Variants in ABI2 observed in about 807,000 individuals in gnomAD.
ABI2 encodes the protein abelson interactor 2.
In ABI2, 25 loss-of-function variants were observed where a neutral mutation model predicts 59.2. That is an observed-to-expected ratio of 0.42 (90% CI 0.31 to 0.59). The LOEUF is 0.59. ABI2 is among the 20% of genes least tolerant of loss of function. The probability of loss-of-function intolerance (pLI) is 0.14; values close to 1 mark genes in which losing one functional copy is unlikely to be tolerated. For synonymous variants in ABI2, 213 were observed against 235.5 expected, an observed-to-expected ratio of 0.90 and a Z score of 0.87; for missense variants, 545 against 681.8, an observed-to-expected ratio of 0.80 and a Z score of 2.23.
chr2:203,389,067 A>G (rs1039226860), intron 4 of ABI2, among the ~76,000 whole-genome samples: 2 of 152,198 alleles, frequency 1.3e-5, no homozygotes, highest in African/African-American at 4.8e-5. Flanking sequence ...TGGTTTCAGA[A>G]ATTAAGATAT....
At chr2:203,394,914 TA>T in intron 6 of ABI2, 68 bp downstream of exon 6, 1 of 1,538,990 alleles carries the variant, frequency 6.5e-7, no homozygotes, top group East Asian at 2.2e-5. Context: ...TTACTTCAGG[TA>T]AATCTCTCAT....
intron 1 of ABI2, among the ~76,000 whole-genome samples, chr2:203,366,634 G>A (rs1316574381): frequency 2.0e-5 from 3 of 152,136 alleles, no homozygotes; most frequent in East Asian, 3.9e-4. Flanking sequence ...TCTAGATAAT[G>A]GCTTTAGGGT....
chr2:203,384,992 G>A (rs1267964267), intron 4 of ABI2, among the ~76,000 whole-genome samples: 1 of 151,662 alleles, frequency 6.6e-6, no homozygotes, highest in Admixed American at 6.6e-5. Flanking sequence ...CTGCCACCAC[G>A]CCTGGCTAAT....
Position 203,402,616 on chromosome 2 carries a change from T to C in ABI2, c.1074T>C (p.Ser358=). 1 of 1,601,378 alleles carries C rather than the reference T, an allele frequency of 6.2e-7. No individual in the cohort carries two copies. Residue 358 remains serine, a synonymous_variant, in exon 9 of 12, where the codon TCT becomes TCC. Transcript: ENST00000261018. Reference sequence around the variant, plus strand: ...TCTACAGCATGAATAGGCCTGCCTCTCGCCATACTCCCCCAACAATAGGGG... The same window carrying C: ...TCTACAGCATGAATAGGCCTGCCTCCCGCCATACTCCCCCAACAATAGGGG... ...VQFYSMNRPA[S]RHTPPTIGGS...
chr2:203,376,542 T>C (rs745831132), intron 2 of ABI2, among the ~76,000 whole-genome samples: 3 of 152,206 alleles, frequency 2.0e-5, no homozygotes, highest in Admixed American at 6.5e-5. Flanking sequence ...ACAACAAATA[T>C]ATTTTTAAAG....
intron 1 of ABI2, among the ~76,000 whole-genome samples, chr2:203,330,871 G>A (rs2072804813): frequency 6.6e-6 from 1 of 152,110 alleles, no homozygotes; most frequent in Admixed American, 6.5e-5. Context: ...AAAGCTGAAA[G>A]GTTAAAGGCA....
Position 203,392,311 on chromosome 2 carries a change from CCACCAACAACAA to C in ABI2, c.578+1171_578+1182del, listed in dbSNP as rs1233428099. The stretch of plus-strand genomic sequence containing the variant: ...ACCACCACCACCACCACCACCACCA[CCACCAACAACAA>C]CAACAACAACAACAACAACAAAACA... On this transcript the variant is annotated intron_variant, in intron 5 of 11. Coordinates refer to ENST00000261018, the MANE Select transcript of ABI2 (RefSeq NM_001375670.1). Among the ~76,000 whole-genome samples, 50 of 89,654 alleles carry C rather than the reference CCACCAACAACAA, an allele frequency of 5.6e-4. 1 individual carries two copies. Among genetic ancestry groups the C allele is most frequent in the Middle Eastern group, 5.4e-3 (1 of 184 alleles). The allele number at this position is 89,654 out of a possible 152,430, so 58.8% of individuals were successfully genotyped here. A position where few individuals can be genotyped will look rare whatever the true frequency, so the allele number is the denominator to read the frequency against.
chr2:203,382,286 C>T (rs909287476), intron 4 of ABI2, 80 bp downstream of exon 4: 1 of 1,246,344 alleles, frequency 8.0e-7, no homozygotes, highest in Non-Finnish European at 1.1e-6. Flanking sequence ...AGATTGTTAA[C>T]TCTTGGCCTT....
Position 203,429,631 on chromosome 2 carries a change from C to G in ABI2, c.*2279C>G, listed in dbSNP as rs552106631. On this transcript the variant is annotated 3_prime_UTR_variant, in exon 12 of 12. Coordinates refer to ENST00000261018, the MANE Select transcript of ABI2 (RefSeq NM_001375670.1). ...AATTAGCTGGGCGTGGTGGCGCACA[C>G]CTGTAGTCCCAGCTACTTGGGAGGC... is the stretch of plus-strand genomic sequence containing the variant. 1 of 152,212 alleles carries G rather than the reference C, an allele frequency of 6.6e-6. No individual in the cohort carries two copies. Among genetic ancestry groups the G allele is most frequent in the Non-Finnish European group, 1.5e-5 (1 of 68,150 alleles). The allele number at this position is 152,212 out of a possible 1,614,324, so 9.4% of individuals were successfully genotyped here.
chr2:203,374,192 G>T (rs940801299), intron 2 of ABI2, among the ~76,000 whole-genome samples: 1 of 151,718 alleles, frequency 6.6e-6, no homozygotes, highest in Non-Finnish European at 1.5e-5. Flanking sequence ...TATATAGATA[G>T]CCTTGCTTAA....
chr2:203,392,674 T>C (rs1252518537), intron 5 of ABI2, among the ~76,000 whole-genome samples: 1 of 152,120 alleles, frequency 6.6e-6, no homozygotes, highest in East Asian at 1.9e-4. Context: ...TATGTAAACA[T>C]TTACATTTAT....
At chr2:203,335,244 T>C (rs2075921769) in intron 1 of ABI2, among the ~76,000 whole-genome samples, 1 of 152,166 alleles carries the variant, frequency 6.6e-6, no homozygotes, top group African/African-American at 2.4e-5. Flanking sequence ...CTGAATTATT[T>C]TTATTTTATT....
rs890790623 is a variant in ABI2 at position 203,411,268 on chromosome 2, C to T, written c.1193-17C>T. On this transcript the variant is annotated splice_polypyrimidine_tract_variant and intron_variant, in intron 9 of 11. Transcript: ENST00000261018. ...CGCCCTTATCCCTTATCCTCCACAC[C>T]TTTTTTGTTTTTGCAGTATCTCTTG... 27 of 1,602,670 alleles carry T rather than the reference C, an allele frequency of 1.7e-5. No individual in the cohort carries two copies. The highest frequency in any genetic ancestry group is 2.1e-5 in the Non-Finnish European group (24 of 1,169,974).
intron 1 of ABI2, among the ~76,000 whole-genome samples, chr2:203,341,163 T>G (rs1309530131): frequency 6.6e-6 from 1 of 152,222 alleles, no homozygotes; most frequent in Non-Finnish European, 1.5e-5. Flanking sequence ...CTCCTGCCCC[T>G]TGCTCACTCT....
At chr2:203,344,267 C>T (rs983025392) in intron 1 of ABI2, among the ~76,000 whole-genome samples, 12 of 152,144 alleles carry the variant, frequency 7.9e-5, no homozygotes, top group African/African-American at 2.9e-4. Flanking sequence ...AGGAAACAAT[C>T]TTTAATAATA....
At position 203,394,777 on chromosome 2, in the gene ABI2, G is replaced by A. The variant is rs746431938; in HGVS notation, c.656G>A (p.Arg219His). ...VPNDYVPSPTRNMAPSQQSPV... is the reference protein window; with the variant it reads ...VPNDYVPSPTHNMAPSQQSPV... ...AATGATTACGTACCTAGCCCAACCC[G>A]TAATATGGCTCCCTCGCAGCAGAGC... Residue 219 changes from arginine to histidine, a missense_variant, in exon 6 of 12, where the codon CGT becomes CAT. Transcript: ENST00000261018. 6.8e-6 allele frequency: 11 copies of A among 1,614,078 alleles called. No homozygotes were observed. The highest frequency in any genetic ancestry group is 9.3e-6 in the Non-Finnish European group (11 of 1,180,004).
chr2:203,372,578 C>T (rs1003703500), intron 2 of ABI2, among the ~76,000 whole-genome samples: 2 of 150,648 alleles, frequency 1.3e-5, no homozygotes, highest in Non-Finnish European at 3.0e-5. Context: ...CACCTCCCTC[C>T]CGGACGGGGC....
intron 2 of ABI2, among the ~76,000 whole-genome samples, chr2:203,372,972 T>G (rs1202058282): frequency 6.7e-6 from 1 of 149,606 alleles, no homozygotes; most frequent in East Asian, 2.0e-4. Flanking sequence ...GCTCCTCACT[T>G]TCCAGACTGG....
Position 203,366,871 on chromosome 2 carries a change from T to C in ABI2, c.118-6T>C, listed in dbSNP as rs780103534. The C allele has an allele frequency of 2.6e-6, 4 of 1,528,240 alleles. No individual in the cohort carries two copies. The highest frequency in any genetic ancestry group is 2.0e-5 in the Admixed American group (1 of 50,142). 94.7% of individuals were successfully genotyped at this position (1,528,240 alleles called of 1,614,324 possible). Reference sequence around the variant, plus strand: ...TTAATGATCACTGGTTTGTTTTTTTTCCCAGTCAGCAGATAAGCAGAGAGC... The same window carrying C: ...TTAATGATCACTGGTTTGTTTTTTTCCCCAGTCAGCAGATAAGCAGAGAGC... On this transcript the variant is annotated splice_polypyrimidine_tract_variant and splice_region_variant and intron_variant, in intron 1 of 11. Transcript: ENST00000261018.
Sources: allele counts gnomAD v4.1 joint callset (sites outside exome capture counted in the v4.1 genomes callset), GRCh38; gene constraint gnomAD v4.1.1; transcripts MANE v1.5; gene names NCBI Gene and HGNC (gene_info 2026-07-23, HGNC 2026-07-21).